Variants in CENATAC observed in about 807,000 individuals in gnomAD.
CENATAC encodes the protein centrosomal AT-AC splicing factor.
CENATAC carries 53 observed loss-of-function variants against 53.7 expected under a neutral mutation model. The observed-to-expected ratio is 0.99, with a 90% CI of 0.79 to 1.24. The LOEUF is 1.24. Ranked by LOEUF, CENATAC falls within the 50% of genes most tolerant of loss-of-function variation. CENATAC has a pLI of 0.00. For missense variants in CENATAC, 474 were observed against 417.8 expected (o/e 1.13, Z -1.17); for synonymous variants, 156 against 144.6 (o/e 1.08, Z -0.57).
At chr11:119,004,709 G>A (rs1296106341) in intron 3 of CENATAC, 1 of 153,768 alleles carries the variant, frequency 6.5e-6, no homozygotes, top group Admixed American at 6.6e-5. Context: ...CCTGCAGTGA[G>A]CTGTGATCCC....
intron 3 of CENATAC, among the ~76,000 whole-genome samples, chr11:119,007,710 C>T (rs1291435275): frequency 6.6e-6 from 1 of 152,110 alleles, no homozygotes; most frequent in Non-Finnish European, 1.5e-5. Flanking sequence ...TGGTCTCAAA[C>T]TCCTGGGCTC....
Position 119,008,179 on chromosome 11 carries a change from C to T in CENATAC, c.384-2585C>T, listed in dbSNP as rs534938218. ...TGAGAGACGGAGAAAAGAAATAAGA[C>T]ACAGAGACAAAGTATAAAGAAACAA... On this transcript the variant is annotated intron_variant, in intron 3 of 10. Transcript: ENST00000334418. Among the ~76,000 whole-genome samples the T allele has an allele frequency of 2.0e-5, 3 of 152,316 alleles. No homozygotes were observed. The East Asian group carries it at 5.8e-4, about 29-fold the overall frequency.
At chr11:119,005,778 C>T (rs145916122) in intron 3 of CENATAC, 1 of 152,186 alleles carries the variant, frequency 6.6e-6, no homozygotes, top group Non-Finnish European at 1.5e-5. Context: ...TCTTCATTGT[C>T]CTGCACACTC....
At position 119,014,979 on chromosome 11, in the gene CENATAC, T is replaced by TA. The variant is rs781942319; in HGVS notation, c.716-13dup. On this transcript the variant is annotated splice_polypyrimidine_tract_variant and intron_variant, in intron 8 of 10. Coordinates refer to ENST00000334418, the MANE Select transcript of CENATAC (RefSeq NM_198489.3). ...GACTTAAAAAAAAAAAAAAAAGCCT[T>TA]AATTTTTTTTTCAGGTGCCACACCT... is the stretch of plus-strand genomic sequence containing the variant. 1.3e-6 allele frequency: 2 copies of TA among 1,515,340 alleles called. No homozygotes were observed. The highest frequency in any genetic ancestry group is 8.9e-7 in the Non-Finnish European group (1 of 1,124,868). 93.9% of individuals were successfully genotyped at this position (1,515,340 alleles called of 1,614,324 possible). A position where few individuals can be genotyped will look rare whatever the true frequency, so the allele number is the denominator to read the frequency against.
Position 118,998,330 on chromosome 11 carries a change from G to A in CENATAC, c.120+13G>A. On this transcript the variant is annotated intron_variant, in intron 1 of 10. Transcript: ENST00000334418. The stretch of plus-strand genomic sequence containing the variant: ...GCTCCTGCCCCAGGTGCGGAGGCAA[G>A]GCTAGAGATGGGATGGGAGTGCGGG... 3 of 1,611,236 alleles carry A rather than the reference G, an allele frequency of 1.9e-6. No individual in the cohort carries two copies. The highest frequency in any genetic ancestry group is 2.5e-6 in the Non-Finnish European group (3 of 1,178,660).
chr11:119,014,711 G>T (rs531556282), intron 8 of CENATAC: 3 of 252,146 alleles, frequency 1.2e-5, no homozygotes, highest in Non-Finnish European at 7.4e-6. Context: ...ACTTACAGGG[G>T]GATGTTTGGG....
Position 118,999,044 on chromosome 11 carries a change from G to A in CENATAC, c.318G>A (p.Trp106Ter). The change falls in exon 3 of 11, where the codon TGG (tryptophan) becomes TGA (stop). Residue 106 changes from tryptophan to a stop codon, truncating the protein, a stop_gained. Transcript: ENST00000334418. LOFTEE classifies it high-confidence loss of function. Reference sequence around the variant, plus strand: ...ACAAGAAAGCAACCAACAAATTCTGGTGGGAGAACAAAGCTGAGGTCCAGA... The same window carrying A: ...ACAAGAAAGCAACCAACAAATTCTGATGGGAGAACAAAGCTGAGGTCCAGA... ...PEHKKATNKF[W>*]WENKAEVQMK... The A allele has an allele frequency of 6.2e-7, 1 of 1,614,116 alleles. No homozygotes were observed. Among genetic ancestry groups the A allele is most frequent in the Non-Finnish European group, 8.5e-7 (1 of 1,180,020 alleles).
intron 3 of CENATAC, chr11:119,005,784 C>G (rs1329530075): frequency 6.6e-6 from 1 of 152,098 alleles, no homozygotes; most frequent in Non-Finnish European, 1.5e-5. Context: ...TTGTCCTGCA[C>G]ACTCATGTGA....
At chr11:119,000,648 C>T (rs1217943385) in intron 3 of CENATAC, among the ~76,000 whole-genome samples, 2 of 151,916 alleles carry the variant, frequency 1.3e-5, no homozygotes, top group African/African-American at 2.4e-5. Context: ...CCCAGATACT[C>T]AGGAGGTTGA....
At position 119,003,621 on chromosome 11, in the gene CENATAC, C is replaced by T. The variant is rs11500864; in HGVS notation, c.383+4512C>T. On this transcript the variant is annotated intron_variant, in intron 3 of 10. Coordinates refer to ENST00000334418, the MANE Select transcript of CENATAC (RefSeq NM_198489.3). The stretch of plus-strand genomic sequence containing the variant: ...CCAATAATTAGAAATATTTCTCTCT[C>T]TTTTTTTTTTTTTTTTTTGGGAGAC... The T allele has an allele frequency of 8.1e-3, 1,043 of 129,058 alleles. 18 individuals are homozygous for T. Among genetic ancestry groups the T allele is most frequent in the African/African-American group, 0.033 (930 of 28,016 alleles). The allele number at this position is 129,058 out of a possible 1,614,324, so 8.0% of individuals were successfully genotyped here.
At chr11:118,998,699 G>A in intron 2 of CENATAC, 106 bp downstream of exon 2, 2 of 1,365,530 alleles carry the variant, frequency 1.5e-6, no homozygotes, top group Non-Finnish European at 2.0e-6. Context: ...GATCAAGAAG[G>A]ATGGATTGAG....
chr11:119,011,247 G>A lies in CENATAC; in HGVS notation c.477G>A (p.Glu159=), dbSNP rs1323312080. ...TGGCAGCTCAGATCCGTGAGGTGGA[G>A]CAGAGCCGACAGGAGGTGGTTCGGT... The part of the protein sequence containing the change: ...KEMAAQIREV[E]QSRQEVVRSV... The change falls in exon 5 of 11, where the codon GAG becomes GAA. Residue 159 remains glutamate, a synonymous_variant. Transcript: ENST00000334418. The A allele has an allele frequency of 5.0e-6, 8 of 1,614,028 alleles. No individual in the cohort carries two copies. Among genetic ancestry groups the A allele is most frequent in the Non-Finnish European group, 6.8e-6 (8 of 1,179,992 alleles).
chr11:118,998,268 G>A lies in CENATAC; in HGVS notation c.71G>A (p.Arg24His), dbSNP rs782053254. 1 of 1,595,324 alleles carries A rather than the reference G, an allele frequency of 6.3e-7. No homozygotes were observed. The highest frequency in any genetic ancestry group is 8.5e-7 in the Non-Finnish European group (1 of 1,171,048). ...FFCGRGHVYS[R>H]KHQRQLKEAL... ...TGTGGTCGCGGGCACGTTTACAGCC[G>A]CAAGCACCAGCGGCAGCTGAAGGAG... The change falls in exon 1 of 11, where the codon CGC becomes CAC. Residue 24 changes from arginine to histidine, a missense_variant. Arg to His is a conservative substitution (Grantham distance 29). Coordinates refer to ENST00000334418, the MANE Select transcript of CENATAC (RefSeq NM_198489.3).
At position 119,015,772 on chromosome 11, in the gene CENATAC, T is replaced by A. The variant is rs1054402817; in HGVS notation, c.*174T>A. 30 of 1,316,740 alleles carry A rather than the reference T, an allele frequency of 2.3e-5. No individual in the cohort carries two copies. The highest frequency in any genetic ancestry group is 3.1e-5 in the Non-Finnish European group (29 of 927,130). The allele number at this position is 1,316,740 out of a possible 1,614,324, so 81.6% of individuals were successfully genotyped here. ...AGCTGGTTGGACCTGTAAAAAAAAA[T>A]TAAAAGAATCAGAACCATAAAGCTT... is the stretch of plus-strand genomic sequence containing the variant. On this transcript the variant is annotated 3_prime_UTR_variant, in exon 11 of 11. Transcript: ENST00000334418.
chr11:119,015,460 G>A, intron 10 of CENATAC, 21 bp downstream of exon 10: 1 of 1,613,800 alleles, frequency 6.2e-7, no homozygotes, highest in South Asian at 1.1e-5. Context: ...TCAGTGCCGG[G>A]TCTCCAACCT....
At position 119,015,391 on chromosome 11, in the gene CENATAC, T is replaced by C. The variant is rs782382177; in HGVS notation, c.890T>C (p.Leu297Pro). ...DHSSRTSAGW[L>P]PSFGRVWNNG... ...AGCTCCAGGACCAGTGCAGGCTGGC[T>C]GCCCTCTTTTGGCCGCGTCTGGAAT... The change falls in exon 10 of 11, where the codon CTG (leucine) becomes CCG (proline). Residue 297 changes from leucine (L) to proline (P), a missense_variant. By Grantham distance (98) the Leu-to-Pro change is moderately conservative (BLOSUM62 -3). Transcript: ENST00000334418. The C allele has an allele frequency of 6.2e-7, 1 of 1,614,238 alleles. No individual in the cohort carries two copies. Among genetic ancestry groups the C allele is most frequent in the Admixed American group, 1.7e-5 (1 of 60,026 alleles).
intron 5 of CENATAC, 63 bp from the exon 6 acceptor site, chr11:119,011,876 G>A (rs548016219): frequency 2.1e-6 from 3 of 1,441,184 alleles, no homozygotes; most frequent in Admixed American, 1.7e-5. Context: ...GGAGGGTGGA[G>A]GCATGGCCTA....
intron 8 of CENATAC, 31 bp from the exon 9 acceptor site, chr11:119,014,963 A>G (rs1233502543): frequency 1.1e-5 from 17 of 1,500,860 alleles, no homozygotes; most frequent in Non-Finnish European, 1.5e-5. Context: ...AGACTTAAAA[A>G]AAAAAAAAAA....
chr11:119,006,617 C>G (rs1001030223), intron 3 of CENATAC, among the ~76,000 whole-genome samples: 1 of 152,240 alleles, frequency 6.6e-6, no homozygotes, highest in Non-Finnish European at 1.5e-5. Context: ...GATCCACCCG[C>G]CTCGGCCTCC....
Sources: allele counts gnomAD v4.1 joint callset (sites outside exome capture counted in the v4.1 genomes callset), GRCh38; gene constraint gnomAD v4.1.1; transcripts MANE v1.5; gene names NCBI Gene and HGNC (gene_info 2026-07-23, HGNC 2026-07-21).